The following AKAP19 variants were observed in gnomAD, a reference collection of about 807,000 sequenced individuals.
The protein encoded by AKAP19 is A-kinase anchoring protein 19, also known as small A-kinase anchoring protein.
chr2:190,184,638 A>G, the AKAP19 span, among the ~76,000 whole-genome samples: 1 of 152,194 alleles, frequency 6.6e-6, no homozygotes, highest in Non-Finnish European at 1.5e-5. Flanking sequence ...AGGACTAGGA[A>G]GTCTGCAATA....
the AKAP19 span, among the ~76,000 whole-genome samples, chr2:189,970,579 C>G: frequency 2.6e-5 from 4 of 152,096 alleles, no homozygotes; most frequent in African/African-American, 9.7e-5. Context: ...TTCATTTTTA[C>G]TACTGAGTAA....
chr2:190,122,646 G>A, the AKAP19 span, among the ~76,000 whole-genome samples: 1 of 152,250 alleles, frequency 6.6e-6, no homozygotes, highest in Admixed American at 6.5e-5. Flanking sequence ...CTCCACAATA[G>A]TGCTTGGCTT....
chr2:190,055,484 AAAT>A, the AKAP19 span, among the ~76,000 whole-genome samples: 32 of 152,254 alleles, frequency 2.1e-4, no homozygotes, highest in African/African-American at 7.5e-4. Flanking sequence ...TATAATAAAA[AAAT>A]AAAAAAAAGA....
the AKAP19 span, among the ~76,000 whole-genome samples, chr2:190,174,345 C>T: frequency 1.4e-3 from 212 of 152,318 alleles, 1 homozygote; most frequent in African/African-American, 4.3e-3. Context: ...TGCTGGTTCT[C>T]GTACTGCCCA....
chr2:189,918,049 AG>A, the AKAP19 span, among the ~76,000 whole-genome samples: 1 of 151,900 alleles, frequency 6.6e-6, no homozygotes, highest in Non-Finnish European at 1.5e-5. Context: ...TCATTTTACT[AG>A]TTTTAGTAAA....
the AKAP19 span, among the ~76,000 whole-genome samples, chr2:189,904,590 C>T: frequency 1.3e-5 from 2 of 151,920 alleles, no homozygotes; most frequent in African/African-American, 4.8e-5. Flanking sequence ...GGACAAAAAT[C>T]TGTTTTTTAA....
At chr2:190,017,168 C>G in the AKAP19 span, among the ~76,000 whole-genome samples, 2 of 152,092 alleles carry the variant, frequency 1.3e-5, no homozygotes, top group African/African-American at 4.8e-5. Flanking sequence ...CAGTCTGTGT[C>G]CTGAAAGGTG....
chr2:190,112,568 C>A, the AKAP19 span, among the ~76,000 whole-genome samples: 1 of 152,032 alleles, frequency 6.6e-6, no homozygotes, highest in Non-Finnish European at 1.5e-5. Context: ...AATTCCCTTC[C>A]ATTTTTAATT....
chr2:190,084,591 T>G, the AKAP19 span, among the ~76,000 whole-genome samples: 1 of 152,190 alleles, frequency 6.6e-6, no homozygotes, highest in Non-Finnish European at 1.5e-5. Context: ...TTTAATCAGA[T>G]TACAGTCTAC....
chr2:189,981,482 G>C, the AKAP19 span, among the ~76,000 whole-genome samples: 1 of 152,028 alleles, frequency 6.6e-6, no homozygotes, highest in Non-Finnish European at 1.5e-5. Context: ...CTTCTGAATG[G>C]AACATTTAGG....
At chr2:189,928,302 C>T in the AKAP19 span, among the ~76,000 whole-genome samples, 1 of 152,006 alleles carries the variant, frequency 6.6e-6, no homozygotes, top group East Asian at 1.9e-4. Context: ...GTAATGTTAA[C>T]ATTGATTTAT....
the AKAP19 span, among the ~76,000 whole-genome samples, chr2:190,072,267 G>A: frequency 6.6e-6 from 1 of 152,104 alleles, no homozygotes; most frequent in Non-Finnish European, 1.5e-5. Flanking sequence ...GAGGGAGGAA[G>A]CTAGGGGAAG....
the AKAP19 span, among the ~76,000 whole-genome samples, chr2:189,939,650 A>T: frequency 6.6e-6 from 1 of 152,240 alleles, no homozygotes; most frequent in Non-Finnish European, 1.5e-5. Context: ...TTTTAAAAAA[A>T]CTCAGTGATC....
chr2:189,969,466 T>G, the AKAP19 span, among the ~76,000 whole-genome samples: 13 of 152,026 alleles, frequency 8.6e-5, no homozygotes, highest in Admixed American at 8.5e-4. Flanking sequence ...ACTCTACCAT[T>G]ACTAAAAATG....
At chr2:190,074,651 CAAA>C in the AKAP19 span, among the ~76,000 whole-genome samples, 3 of 146,854 alleles carry the variant, frequency 2.0e-5, no homozygotes, top group African/African-American at 7.4e-5. Flanking sequence ...GACTTTGTCT[CAAA>C]AAAAAAAAAG....
At chr2:190,153,733 A>G in the AKAP19 span, among the ~76,000 whole-genome samples, 1 of 152,220 alleles carries the variant, frequency 6.6e-6, no homozygotes, top group African/African-American at 2.4e-5. Context: ...TTGCATTCTT[A>G]CATAAGCATT....
At chr2:189,884,722 A>G in the AKAP19 span, among the ~76,000 whole-genome samples, 2 of 152,236 alleles carry the variant, frequency 1.3e-5, no homozygotes, top group Non-Finnish European at 2.9e-5. Context: ...TACTCTGTTT[A>G]TGCTAGTATA....
the AKAP19 span, among the ~76,000 whole-genome samples, chr2:190,018,926 C>CG: frequency 3.3e-5 from 5 of 152,138 alleles, no homozygotes; most frequent in Non-Finnish European, 7.3e-5. Flanking sequence ...GTGGGGCTGC[C>CG]GGCTGGATTC....
chr2:190,121,673 G>A, the AKAP19 span, among the ~76,000 whole-genome samples: 1 of 151,966 alleles, frequency 6.6e-6, no homozygotes, highest in South Asian at 2.1e-4. Flanking sequence ...ATTACATGAA[G>A]CTCATTTGGG....
Sources: gnomAD v4.1 joint callset for allele counts (sites outside exome capture counted in the v4.1 genomes callset) on GRCh38, gnomAD v4.1.1 for gene constraint, MANE v1.5 for transcripts, NCBI Gene and HGNC (gene_info 2026-07-23, HGNC 2026-07-21) for gene names.